TDRP: variants seen among roughly 807,000 people sequenced by gnomAD.
TDRP encodes the protein testis development related protein.
Under a neutral mutation model 10.5 loss-of-function variants are expected in TDRP, and 12 were observed. That is an observed-to-expected ratio of 1.15 (90% CI 0.73 to 1.86). The LOEUF is 1.86. Ranked by LOEUF, TDRP falls within the 40% of genes most tolerant of loss-of-function variation. The pLI is 0.00. For synonymous variants in TDRP, 139 were observed against 95.4 expected, an observed-to-expected ratio of 1.46 and a Z score of -2.67; for missense variants, 353 against 229.2, an observed-to-expected ratio of 1.54 and a Z score of -3.49.
chr8:496,838 T>G (rs908886300), intron 1 of TDRP, among the ~76,000 whole-genome samples: 1 of 152,192 alleles, frequency 6.6e-6, no homozygotes, highest in African/African-American at 2.4e-5. Context: ...TCTCATGAGA[T>G]CTGATCATTT....
At chr8:521,901 C>T (rs903723165) in intron 1 of TDRP, among the ~76,000 whole-genome samples, 1 of 152,122 alleles carries the variant, frequency 6.6e-6, no homozygotes, top group Non-Finnish European at 1.5e-5. Context: ...TAACTTTCAG[C>T]AATGTTTTAT....
chr8:501,754 G>A (rs1242935711), intron 1 of TDRP, among the ~76,000 whole-genome samples: 3 of 152,224 alleles, frequency 2.0e-5, no homozygotes. Flanking sequence ...CTGCATCACA[G>A]CAGGGTGACC....
At chr8:541,305 C>T (rs1367241330) in intron 1 of TDRP, among the ~76,000 whole-genome samples, 1 of 152,044 alleles carries the variant, frequency 6.6e-6, no homozygotes, top group Non-Finnish European at 1.5e-5. Flanking sequence ...ACATAAAAAC[C>T]ACAGTCAAAA....
At chr8:523,370 C>T (rs183309714) in intron 1 of TDRP, among the ~76,000 whole-genome samples, 279 of 152,290 alleles carry the variant, frequency 1.8e-3, no homozygotes, top group Middle Eastern at 0.01. Context: ...GAAGCCTCCA[C>T]CAATCATCCT....
intron 2 of TDRP, among the ~76,000 whole-genome samples, chr8:493,997 T>TTTG (rs1801057873): frequency 6.8e-6 from 1 of 147,722 alleles, no homozygotes; most frequent in Admixed American, 6.8e-5. Flanking sequence ...TCTGTTGTTT[T>TTTG]TTTTTTTTTT....
intron 1 of TDRP, among the ~76,000 whole-genome samples, chr8:543,443 G>C (rs554098120): frequency 1.3e-5 from 2 of 151,856 alleles, no homozygotes; most frequent in Non-Finnish European, 2.9e-5. Context: ...GCTCATCTTT[G>C]ACCAATATTA....
intron 1 of TDRP, among the ~76,000 whole-genome samples, chr8:512,699 T>C (rs4735797): frequency 0.65 from 98,741 of 151,964 alleles, 32,353 homozygotes; most frequent in African/African-American, 0.69. Context: ...AGAGACCAGG[T>C]GCAGTGGTCT....
At chr8:512,390 G>A (rs1464817373) in intron 1 of TDRP, among the ~76,000 whole-genome samples, 1 of 152,108 alleles carries the variant, frequency 6.6e-6, no homozygotes, top group Non-Finnish European at 1.5e-5. Context: ...CCAAGATCGT[G>A]CTGCTGCACT....
rs544336076 is a variant in TDRP at position 532,179 on chromosome 8, G to A, written c.108+12471C>T. On this transcript the variant is annotated intron_variant, in intron 1 of 2. Transcript: ENST00000324079. Reference sequence around the variant, plus strand: ...ACCACATCCACTAACCTCTGTGAAGGGGAAACAGAGGCAGCAGGACACATC... The same window carrying A: ...ACCACATCCACTAACCTCTGTGAAGAGGAAACAGAGGCAGCAGGACACATC... 7.9e-5 allele frequency among the ~76,000 whole-genome samples: 12 copies of A among 152,258 alleles called. No individual in the cohort carries two copies. In the East Asian group the frequency reaches 2.1e-3, roughly 27 times the overall value.
At chr8:494,284 T>A (rs1262525040) in intron 2 of TDRP, among the ~76,000 whole-genome samples, 1 of 152,176 alleles carries the variant, frequency 6.6e-6, no homozygotes, top group East Asian at 1.9e-4. Context: ...TCACAAGGGA[T>A]GGATGTTAAC....
In TDRP at chr8:526,398, GT is replaced by G. The variant is rs1802036127; in HGVS notation, c.108+18251del. 4.6e-5 allele frequency among the ~76,000 whole-genome samples: 7 copies of G among 152,220 alleles called. No homozygotes were observed. The South Asian group carries it at 1.5e-3, about 32-fold the overall frequency. On this transcript the variant is annotated intron_variant, in intron 1 of 2. Transcript: ENST00000324079. ...TGTGGAGTTATGTTCCTTCTATACA[GT>G]TTTTTGAGCGTTCTTATTATGAAGA...
chr8:516,829 A>C (rs996211551), intron 1 of TDRP, among the ~76,000 whole-genome samples: 2 of 152,208 alleles, frequency 1.3e-5, no homozygotes, highest in African/African-American at 4.8e-5. Flanking sequence ...TGGCAGCTTT[A>C]TTCGGAAATG....
At chr8:535,385 T>C (rs1802318170) in intron 1 of TDRP, among the ~76,000 whole-genome samples, 1 of 152,198 alleles carries the variant, frequency 6.6e-6, no homozygotes, top group African/African-American at 2.4e-5. Flanking sequence ...CCTGGTTATA[T>C]ACAGCACCAA....
chr8:519,353 C>G (rs149566294), intron 1 of TDRP, among the ~76,000 whole-genome samples: 1 of 152,078 alleles, frequency 6.6e-6, no homozygotes. Flanking sequence ...TTCTGGAGTT[C>G]TGTAAACTAT....
rs748401754 is a variant in TDRP, at chr8:494,550, A to T, written c.156T>A (p.Phe52Leu). The change falls in exon 2 of 3, where the codon TTT becomes TTA. Residue 52 changes from phenylalanine (F) to leucine (L), a missense_variant. Coordinates refer to ENST00000324079, the MANE Select transcript of TDRP (RefSeq NM_001384899.1). ...GGAGATGCTGCTCATCATCTTTGTT[A>T]AACAGTGAAGTCACTTCTTTCCAAC... is the stretch of plus-strand genomic sequence containing the variant. Reference protein sequence around the residue: ...FRGWKEVTSLFNKDDEQHLLE... With the variant: ...FRGWKEVTSLLNKDDEQHLLE... 6.2e-7 allele frequency: 1 copy of T among 1,613,982 alleles called. No homozygotes were observed. The highest frequency in any genetic ancestry group is 1.7e-5 in the Admixed American group (1 of 60,034).
At chr8:504,498 C>T (rs1444529875) in intron 1 of TDRP, among the ~76,000 whole-genome samples, 1 of 152,182 alleles carries the variant, frequency 6.6e-6, no homozygotes, top group Non-Finnish European at 1.5e-5. Flanking sequence ...ACGGAGCCCC[C>T]TACCCTGCAG....
intron 1 of TDRP, among the ~76,000 whole-genome samples, chr8:543,309 T>C (rs1455202390): frequency 1.3e-5 from 2 of 151,980 alleles, no homozygotes; most frequent in African/African-American, 4.8e-5. Context: ...CAAGACCCTG[T>C]CTCAAAATAA....
intron 1 of TDRP, among the ~76,000 whole-genome samples, chr8:517,849 G>C (rs990872032): frequency 2.6e-5 from 4 of 152,200 alleles, no homozygotes; most frequent in African/African-American, 9.7e-5. Context: ...AGTGAAAGAA[G>C]CCAATCTGAA....
At chr8:528,627 G>A (rs568037699) in intron 1 of TDRP, among the ~76,000 whole-genome samples, 2 of 131,066 alleles carry the variant, frequency 1.5e-5, no homozygotes, top group South Asian at 5.8e-4. Context: ...AAAAATAAGA[G>A]TATAATTGGA....
Sources: gnomAD v4.1 joint callset for allele counts (sites outside exome capture counted in the v4.1 genomes callset) on GRCh38, gnomAD v4.1.1 for gene constraint, MANE v1.5 for transcripts, NCBI Gene and HGNC (gene_info 2026-07-23, HGNC 2026-07-21) for gene names.